Variants in PLCH1 observed in about 807,000 individuals in gnomAD.
PLCH1 encodes the protein phospholipase C eta 1, also known as 1-phosphatidylinositol 4,5-bisphosphate phosphodiesterase eta-1.
A neutral mutation model predicts 126.7 loss-of-function variants in PLCH1; 60 were observed. That is an observed-to-expected ratio of 0.47 (90% CI 0.38 to 0.59). PLCH1 has a LOEUF of 0.59. Ranked by LOEUF, PLCH1 falls within the 20% of genes least tolerant of loss-of-function variation. The pLI is 0.00. For synonymous variants in PLCH1, 719 were observed against 734.9 expected (o/e 0.98, Z 0.35); for missense variants, 1,723 against 2,040.0 (o/e 0.84, Z 2.99).
intron 10 of PLCH1, among the ~76,000 whole-genome samples, chr3:155,538,892 A>G (rs903394508): frequency 4.6e-5 from 7 of 151,976 alleles, no homozygotes; most frequent in Non-Finnish European, 1.0e-4. Context: ...TCCCCCCTAA[A>G]TCATGCTATG....
chr3:155,622,724 A>T (rs1045133011), intron 2 of PLCH1, among the ~76,000 whole-genome samples: 2 of 152,230 alleles, frequency 1.3e-5, no homozygotes, highest in African/African-American at 4.8e-5. Flanking sequence ...TATCCTAAAT[A>T]TATATGCACT....
At chr3:155,566,165 A>ATG (rs1560175690) in intron 7 of PLCH1, among the ~76,000 whole-genome samples, 3 of 81,130 alleles carry the variant, frequency 3.7e-5, no homozygotes, top group Non-Finnish European at 9.6e-5. Flanking sequence ...ATACACATAC[A>ATG]TATATACACA....
At chr3:155,546,039 G>C (rs1342138246) in intron 10 of PLCH1, among the ~76,000 whole-genome samples, 1 of 152,106 alleles carries the variant, frequency 6.6e-6, no homozygotes, top group African/African-American at 2.4e-5. Context: ...TCTGGCCAGG[G>C]CAATTAGGCA....
In PLCH1 at chr3:155,594,043, G is replaced by A. The variant is rs528652033; in HGVS notation, c.368C>T (p.Ser123Phe). The A allele has an allele frequency of 6.2e-7, 1 of 1,614,012 alleles. No individual in the cohort carries two copies. Among genetic ancestry groups the A allele is most frequent in the Non-Finnish European group, 8.5e-7 (1 of 1,179,994 alleles). The change falls in exon 4 of 23, where the codon TCC (serine) becomes TTC (phenylalanine). Residue 123 changes from serine to phenylalanine, a missense_variant. This residue lies in a region of PLCH1 where 776 missense variants were observed against 1,062.9 expected (regional missense o/e 0.73). Transcript: ENST00000460012. ...NHMESLDLIT[S>F]NPEEARTWIT... ...CCAGGTGCGGGCCTCCTCGGGGTTG[G>A]AGGTGATGAGGTCCAGGGACTCCAT...
chr3:155,491,625 A>T (rs1716217093), intron 18 of PLCH1, among the ~76,000 whole-genome samples: 1 of 152,198 alleles, frequency 6.6e-6, no homozygotes, highest in South Asian at 2.1e-4. Flanking sequence ...CCTATATAAC[A>T]TAACGTTGAG....
intron 11 of PLCH1, among the ~76,000 whole-genome samples, chr3:155,522,014 T>C (rs1422207748): frequency 6.6e-6 from 1 of 152,222 alleles, no homozygotes; most frequent in Non-Finnish European, 1.5e-5. Flanking sequence ...AGTTGGATAC[T>C]CCAATTTGTT....
chr3:155,578,489 G>A (rs1362191024), intron 6 of PLCH1, among the ~76,000 whole-genome samples: 2 of 152,184 alleles, frequency 1.3e-5, no homozygotes, highest in Non-Finnish European at 2.9e-5. Flanking sequence ...CTGGCTACCA[G>A]CCCCTATCCT....
chr3:155,675,814 G>A (rs1744029432), intron 2 of PLCH1, among the ~76,000 whole-genome samples: 1 of 151,778 alleles, frequency 6.6e-6, no homozygotes, highest in South Asian at 2.1e-4. Context: ...ACATTTATAC[G>A]AAAAAAACAC....
intron 21 of PLCH1, among the ~76,000 whole-genome samples, chr3:155,465,634 T>C (rs561917615): frequency 6.6e-6 from 1 of 152,120 alleles, no homozygotes; most frequent in South Asian, 2.1e-4. Context: ...TTGCATCTTA[T>C]GTACCAGCAA....
At chr3:155,653,556 A>T (rs768398596) in intron 2 of PLCH1, among the ~76,000 whole-genome samples, 3 of 152,186 alleles carry the variant, frequency 2.0e-5, no homozygotes, top group Non-Finnish European at 4.4e-5. Context: ...GCACAAAACA[A>T]GGGAACAAAG....
intron 1 of PLCH1, among the ~76,000 whole-genome samples, chr3:155,716,700 C>G (rs149492863): frequency 6.6e-6 from 1 of 152,276 alleles, no homozygotes; most frequent in East Asian, 1.9e-4. Flanking sequence ...GACCCAAACA[C>G]CTCCCACCAG....
At chr3:155,475,388 A>T (rs1713495325), downstream of PLCH1, among the ~76,000 whole-genome samples, 1 of 152,018 alleles carries the variant, frequency 6.6e-6, no homozygotes, top group Non-Finnish European at 1.5e-5. Context: ...TCAAATAAAC[A>T]ATCTAACAAT....
intron 11 of PLCH1, 74 bp downstream of exon 11, chr3:155,523,823 C>T: frequency 2.4e-6 from 2 of 836,182 alleles, no homozygotes; most frequent in Non-Finnish European, 3.9e-6. Flanking sequence ...AGGCCTCCAA[C>T]ACAGTAGCAA....
intron 13 of PLCH1, among the ~76,000 whole-genome samples, chr3:155,501,203 A>G (rs941767263): frequency 2.0e-5 from 3 of 152,190 alleles, no homozygotes; most frequent in African/African-American, 7.2e-5. Flanking sequence ...GTTTTTTAAG[A>G]AAGGACATGT....
intron 2 of PLCH1, among the ~76,000 whole-genome samples, chr3:155,649,624 T>C (rs999089668): frequency 2.0e-5 from 3 of 152,166 alleles, no homozygotes; most frequent in African/African-American, 7.2e-5. Context: ...TGACTCTGAT[T>C]TGGACTGTGA....
intron 2 of PLCH1, among the ~76,000 whole-genome samples, chr3:155,662,651 G>T (rs900644636): frequency 6.6e-6 from 1 of 151,798 alleles, no homozygotes; most frequent in Non-Finnish European, 1.5e-5. Context: ...TGCCTTTCAG[G>T]TTTATGTATT....
At position 155,490,827 on chromosome 3, in the gene PLCH1, T is replaced by C. The variant is rs1328747820; in HGVS notation, c.2349A>G (p.Pro783=). ...GGGTTTGATCTTTACAACAATCTAC[T>C]GGCAATCCAATAATTTCAACTTCAA... ...PFVEVEIIGL[P]VDCCKDQTRV... is the part of the protein sequence containing the mutation. Residue 783 remains proline (P), a synonymous_variant, in exon 19 of 23, where the codon CCA becomes CCG. Transcript: ENST00000460012. The C allele has an allele frequency of 2.5e-6, 4 of 1,598,900 alleles. No homozygotes were observed. Among genetic ancestry groups the C allele is most frequent in the Non-Finnish European group, 3.4e-6 (4 of 1,166,664 alleles).
At chr3:155,540,303 G>A (rs1382727472) in intron 10 of PLCH1, among the ~76,000 whole-genome samples, 1 of 152,084 alleles carries the variant, frequency 6.6e-6, no homozygotes, top group African/African-American at 2.4e-5. Flanking sequence ...GTTAACACTG[G>A]AAAAACCCCT....
intron 2 of PLCH1, among the ~76,000 whole-genome samples, chr3:155,650,974 G>T (rs1740646682): frequency 6.6e-6 from 1 of 151,976 alleles, no homozygotes; most frequent in African/African-American, 2.4e-5. Context: ...GAAGGCGGAG[G>T]TTGCAGTGAG....
Sources: gnomAD v4.1 joint callset for allele counts (sites outside exome capture counted in the v4.1 genomes callset) on GRCh38, gnomAD v4.1.1 for gene constraint, gnomAD v4.1.1 regional missense constraint, MANE v1.5 for transcripts, NCBI Gene and HGNC (gene_info 2026-07-23, HGNC 2026-07-21) for gene names.